Variants in VPS13B observed in about 807,000 individuals in gnomAD.
VPS13B encodes the protein vacuolar protein sorting 13 homolog B, also known as intermembrane lipid transfer protein VPS13B.
In VPS13B, 285 loss-of-function variants were observed where a neutral mutation model predicts 426.4. The ratio of observed to expected loss-of-function variants is 0.67; its 90% CI spans 0.61 to 0.74. The LOEUF (loss-of-function observed/expected upper bound fraction) is 0.74. Ranked by LOEUF, VPS13B falls within the 30% of genes least tolerant of loss-of-function variation. VPS13B has a pLI of 0.00. For missense variants in VPS13B, 4,537 were observed against 4,782.6 expected, an observed-to-expected ratio of 0.95 and a Z score of 1.51; for synonymous variants, 1,676 against 1,676.4, an observed-to-expected ratio of 1.00 and a Z score of 0.01.
intron 39 of VPS13B, among the ~76,000 whole-genome samples, chr8:99,750,543 G>A (rs1358088885): frequency 6.6e-6 from 1 of 152,116 alleles, no homozygotes; most frequent in African/African-American, 2.4e-5. Flanking sequence ...AAAATGTAAA[G>A]CCCATAGTCT....
intron 43 of VPS13B, among the ~76,000 whole-genome samples, chr8:99,798,509 A>AT (rs1812970923): frequency 6.6e-6 from 1 of 152,146 alleles, no homozygotes; most frequent in Admixed American, 6.6e-5. Flanking sequence ...AATTTCAAGA[A>AT]TTTTAAAGTC....
intron 16 of VPS13B, among the ~76,000 whole-genome samples, chr8:99,183,734 C>T (rs998602024): frequency 2.6e-5 from 4 of 151,902 alleles, no homozygotes; most frequent in Non-Finnish European, 4.4e-5. Context: ...CTTAAGTAAA[C>T]TATAAGTATT....
At chr8:99,600,870 T>C (rs1453676395) in intron 33 of VPS13B, among the ~76,000 whole-genome samples, 1 of 152,194 alleles carries the variant, frequency 6.6e-6, no homozygotes, top group Non-Finnish European at 1.5e-5. Flanking sequence ...CTCCCTGCAC[T>C]TTGCAACTTT....
chr8:99,208,332 T>A (rs980320169), intron 17 of VPS13B, among the ~76,000 whole-genome samples: 3 of 152,160 alleles, frequency 2.0e-5, no homozygotes, highest in African/African-American at 7.2e-5. Flanking sequence ...ATGACAAATA[T>A]CCAACCCATA....
chr8:99,195,441 A>G (rs896232670), intron 17 of VPS13B, among the ~76,000 whole-genome samples: 1 of 152,060 alleles, frequency 6.6e-6, no homozygotes, highest in African/African-American at 2.4e-5. Context: ...TTGTTTTCTT[A>G]TTATTGAGTT....
chr8:99,269,093 G>C (rs1055021826), intron 17 of VPS13B, among the ~76,000 whole-genome samples: 2 of 152,132 alleles, frequency 1.3e-5, no homozygotes, highest in African/African-American at 4.8e-5. Flanking sequence ...AGCCTTCCCA[G>C]CCACATGGAA....
At chr8:99,478,447 G>GTTTTGTTTTTTTTTTT (rs1819822769) in intron 24 of VPS13B, among the ~76,000 whole-genome samples, 4 of 85,778 alleles carry the variant, frequency 4.7e-5, no homozygotes, top group Non-Finnish European at 8.4e-5. Context: ...TTTTTGTTTT[G>GTTTTGTTTTTTTTTTT]TTTTTTTTTT....
At chr8:99,352,809 A>G (rs1402016485) in intron 19 of VPS13B, among the ~76,000 whole-genome samples, 3 of 151,540 alleles carry the variant, frequency 2.0e-5, no homozygotes, top group Non-Finnish European at 2.9e-5. Context: ...GGGCAACAAG[A>G]GCAGAACTCC....
intron 16 of VPS13B, among the ~76,000 whole-genome samples, chr8:99,173,069 C>A (rs1158756149): frequency 6.6e-6 from 1 of 152,050 alleles, no homozygotes; most frequent in East Asian, 1.9e-4. Context: ...TGTGAAAACA[C>A]ATATTTCTTT....
chr8:99,047,018 G>A (rs1195343115), intron 3 of VPS13B, among the ~76,000 whole-genome samples: 3 of 152,064 alleles, frequency 2.0e-5, no homozygotes, highest in Non-Finnish European at 4.4e-5. Context: ...CCTGGTTTTG[G>A]TATTAGGGTG....
At chr8:99,431,309 GA>G (rs1395641230) in intron 21 of VPS13B, among the ~76,000 whole-genome samples, 2 of 152,148 alleles carry the variant, frequency 1.3e-5, no homozygotes, top group Non-Finnish European at 2.9e-5. Context: ...ACTAATCCCT[GA>G]CAAGGGTGAA....
intron 17 of VPS13B, among the ~76,000 whole-genome samples, chr8:99,201,741 A>C (rs1010970920): frequency 6.6e-6 from 1 of 152,200 alleles, no homozygotes; most frequent in African/African-American, 2.4e-5. Context: ...GCATTGAATT[A>C]TAGTAATCTT....
At chr8:99,821,103 AACACACACACACACACACACACACACAC>A (rs755074579) in intron 49 of VPS13B, among the ~76,000 whole-genome samples, 163 bp from the exon 50 acceptor site, 19 of 78,358 alleles carry the variant, frequency 2.4e-4, no homozygotes, top group East Asian at 3.8e-4. Context: ...GTCATTACAA[AACACACACACACACACACACACACACAC>A]ACACACACAC....
chr8:99,684,304 G>A (rs1831282447), intron 35 of VPS13B, among the ~76,000 whole-genome samples: 1 of 152,024 alleles, frequency 6.6e-6, no homozygotes, highest in Non-Finnish European at 1.5e-5. Context: ...CGGTAATGAT[G>A]GTCTCATAAA....
chr8:99,518,766 G>A (rs1236389366), intron 29 of VPS13B, among the ~76,000 whole-genome samples: 1 of 152,032 alleles, frequency 6.6e-6, no homozygotes, highest in Non-Finnish European at 1.5e-5. Flanking sequence ...TGAATATACT[G>A]AAAACAATAC....
intron 24 of VPS13B, among the ~76,000 whole-genome samples, chr8:99,480,151 G>T (rs1588423631): frequency 6.6e-6 from 1 of 152,254 alleles, no homozygotes; most frequent in East Asian, 1.9e-4. Context: ...AAGGATAAAA[G>T]TTGAACATTT....
intron 35 of VPS13B, among the ~76,000 whole-genome samples, chr8:99,666,807 A>G (rs1284058817): frequency 6.6e-6 from 1 of 152,154 alleles, no homozygotes; most frequent in Non-Finnish European, 1.5e-5. Flanking sequence ...AGTTCTGGCC[A>G]GGGCAATCAG....
At chr8:99,451,153 A>C (rs191521994) in intron 23 of VPS13B, among the ~76,000 whole-genome samples, 110 of 152,330 alleles carry the variant, frequency 7.2e-4, no homozygotes, top group Non-Finnish European at 1.2e-3. Flanking sequence ...ACCTTGAAAC[A>C]TAATCTACAA....
intron 9 of VPS13B, 47 bp downstream of exon 9, chr8:99,134,774 A>C (rs1809986011): frequency 6.9e-7 from 1 of 1,441,834 alleles, no homozygotes; most frequent in Non-Finnish European, 9.6e-7. Flanking sequence ...TTTGTTCTTT[A>C]ATATTTTATA....
Sources: allele counts gnomAD v4.1 joint callset (sites outside exome capture counted in the v4.1 genomes callset), GRCh38; gene constraint gnomAD v4.1.1; transcripts MANE v1.5; gene names NCBI Gene and HGNC (gene_info 2026-07-23, HGNC 2026-07-21).